AUTS2: variants seen among roughly 807,000 people sequenced by gnomAD.
AUTS2 encodes the protein activator of transcription and developmental regulator AUTS2.
A neutral mutation model predicts 112.4 loss-of-function variants in AUTS2; 17 were observed. The ratio of observed to expected loss-of-function variants is 0.15; its 90% CI spans 0.10 to 0.23. The LOEUF (loss-of-function observed/expected upper bound fraction) is 0.23, where lower values mean the gene tolerates loss of function less well. Ranked by LOEUF, AUTS2 falls within the 10% of genes least tolerant of loss-of-function variation. AUTS2 has a pLI of 1.00. For synonymous variants in AUTS2, 751 were observed against 702.7 expected, an observed-to-expected ratio of 1.07 and a Z score of -1.09; for missense variants, 1,510 against 1,701.6, an observed-to-expected ratio of 0.89 and a Z score of 1.98.
chr7:70,518,635 A>G (rs1799516872), intron 5 of AUTS2, among the ~76,000 whole-genome samples: 2 of 151,618 alleles, frequency 1.3e-5, no homozygotes, highest in African/African-American at 2.4e-5. Context: ...GTGAGCCGAG[A>G]TCGCGCCACT....
chr7:70,408,070 A>G (rs546780266), intron 4 of AUTS2, among the ~76,000 whole-genome samples: 1 of 151,082 alleles, frequency 6.6e-6, no homozygotes, highest in Admixed American at 6.6e-5. Context: ...AAAAAAAAAA[A>G]AGTCAGAAAA....
chr7:69,738,103 A>C (rs1295086885), intron 1 of AUTS2, among the ~76,000 whole-genome samples: 1 of 152,136 alleles, frequency 6.6e-6, no homozygotes, highest in East Asian at 1.9e-4. Flanking sequence ...AGGAGTCAGA[A>C]ACTGTGCCTT....
At position 70,482,046 on chromosome 7, in the gene AUTS2, G is replaced by A. The variant is rs193000199; in HGVS notation, c.690+46265G>A. 1.4e-4 allele frequency among the ~76,000 whole-genome samples: 21 copies of A among 152,306 alleles called. No homozygotes were observed. The East Asian group carries it at 4.0e-3, about 29-fold the overall frequency. ...AGCTGGGAATATTTATGAGGTTAAA[G>A]TCCGTAGGCTTGAGCAAAAGACCTA... is the stretch of plus-strand genomic sequence containing the variant. On this transcript the variant is annotated intron_variant, in intron 5 of 18. Transcript: ENST00000342771.
At chr7:69,684,891 C>T (rs1254352869) in intron 1 of AUTS2, among the ~76,000 whole-genome samples, 1 of 152,094 alleles carries the variant, frequency 6.6e-6, no homozygotes, top group African/African-American at 2.4e-5. Flanking sequence ...AGTGGTTTTT[C>T]TGTAAGTTTT....
chr7:70,283,891 C>A (rs1788337951), intron 4 of AUTS2, among the ~76,000 whole-genome samples: 1 of 152,016 alleles, frequency 6.6e-6, no homozygotes, highest in Non-Finnish European at 1.5e-5. Flanking sequence ...AGAGGTTCAT[C>A]CTGTCAGTTA....
intron 1 of AUTS2, among the ~76,000 whole-genome samples, chr7:69,890,471 G>A (rs1794472528): frequency 6.6e-6 from 1 of 151,964 alleles, no homozygotes; most frequent in East Asian, 1.9e-4. Flanking sequence ...GATTCCATAT[G>A]TGTATCATTA....
At chr7:70,683,876 A>C (rs1473421687) in intron 5 of AUTS2, among the ~76,000 whole-genome samples, 1 of 152,222 alleles carries the variant, frequency 6.6e-6, no homozygotes, top group African/African-American at 2.4e-5. Flanking sequence ...AGGGTTTCCC[A>C]TTCCATTCTG....
chr7:70,094,268 C>A (rs1804073904), intron 2 of AUTS2, among the ~76,000 whole-genome samples: 1 of 152,202 alleles, frequency 6.6e-6, no homozygotes, highest in Admixed American at 6.5e-5. Context: ...ATGCTTGTTG[C>A]ATTTTGCTGT....
chr7:70,298,584 A>C (rs1789054939), intron 4 of AUTS2, among the ~76,000 whole-genome samples: 1 of 152,180 alleles, frequency 6.6e-6, no homozygotes, highest in Non-Finnish European at 1.5e-5. Flanking sequence ...CCAAGATATT[A>C]ATGTAAGTAT....
intron 1 of AUTS2, among the ~76,000 whole-genome samples, chr7:69,826,643 C>G (rs914793175): frequency 6.6e-6 from 1 of 152,164 alleles, no homozygotes; most frequent in African/African-American, 2.4e-5. Context: ...AGAGTGTCAT[C>G]TTTTATTAAG....
rs955051829 is a variant in AUTS2, at chr7:69,732,179, A to T, written c.309+132217A>T. On this transcript the variant is annotated intron_variant, in intron 1 of 18. Coordinates refer to ENST00000342771, the MANE Select transcript of AUTS2 (RefSeq NM_015570.4). ...GTCATGCTGGGTGCTGTGCCAGGCTAATTAATACTTTGGTACCTTGCCTTT... is the reference window on the plus strand; with the variant it reads ...GTCATGCTGGGTGCTGTGCCAGGCTTATTAATACTTTGGTACCTTGCCTTT... Among the ~76,000 whole-genome samples the T allele has an allele frequency of 2.0e-5, 3 of 151,984 alleles. 1 individual carries two copies. The South Asian group carries it at 6.2e-4, about 32-fold the overall frequency.
At chr7:70,289,451 G>C (rs958057886) in intron 4 of AUTS2, among the ~76,000 whole-genome samples, 1 of 152,220 alleles carries the variant, frequency 6.6e-6, no homozygotes, top group African/African-American at 2.4e-5. Context: ...AAGGTACTGA[G>C]GAATGTCCTA....
intron 5 of AUTS2, among the ~76,000 whole-genome samples, chr7:70,572,369 A>G (rs2129525672): frequency 7.0e-6 from 1 of 143,628 alleles, no homozygotes; most frequent in African/African-American, 2.5e-5. Flanking sequence ...AATTCCTTAC[A>G]TGCTGTTGAA....
chr7:70,507,506 A>G (rs1799012361), intron 5 of AUTS2, among the ~76,000 whole-genome samples: 1 of 152,166 alleles, frequency 6.6e-6, no homozygotes, highest in African/African-American at 2.4e-5. Context: ...ATTAAAAAAA[A>G]GTAACTAAGG....
intron 5 of AUTS2, among the ~76,000 whole-genome samples, chr7:70,621,288 C>T (rs1162688696): frequency 6.6e-6 from 1 of 152,230 alleles, no homozygotes; most frequent in East Asian, 1.9e-4. Context: ...GGATTACAGA[C>T]TCAAACTGTA....
intron 4 of AUTS2, among the ~76,000 whole-genome samples, chr7:70,223,036 C>T (rs544546413): frequency 4.6e-5 from 7 of 151,862 alleles, no homozygotes; most frequent in Admixed American, 1.3e-4. Flanking sequence ...TACAGGTGCC[C>T]GCCACCACAC....
intron 4 of AUTS2, among the ~76,000 whole-genome samples, chr7:70,245,194 T>C (rs1812858178): frequency 7.1e-6 from 1 of 141,560 alleles, no homozygotes; most frequent in Non-Finnish European, 1.5e-5. Flanking sequence ...AAACAAAAAT[T>C]AAAAAGTAAG....
chr7:69,716,465 T>C (rs765886749), intron 1 of AUTS2, among the ~76,000 whole-genome samples: 2 of 152,124 alleles, frequency 1.3e-5, no homozygotes, highest in Non-Finnish European at 1.5e-5. Flanking sequence ...TTCTGAGAGA[T>C]AGTGAAAAAT....
At chr7:70,530,562 G>A (rs966830493) in intron 5 of AUTS2, among the ~76,000 whole-genome samples, 8 of 152,154 alleles carry the variant, frequency 5.3e-5, no homozygotes, top group African/African-American at 1.7e-4. Flanking sequence ...TGATAGCAGA[G>A]CCGACAAGGG....
Sources: allele counts gnomAD v4.1 joint callset (sites outside exome capture counted in the v4.1 genomes callset), GRCh38; gene constraint gnomAD v4.1.1; transcripts MANE v1.5; gene names NCBI Gene and HGNC (gene_info 2026-07-23, HGNC 2026-07-21).